Variants in DPP3 observed in about 807,000 individuals in gnomAD.
DPP3 encodes the protein dipeptidyl peptidase 3.
In DPP3, 64 loss-of-function variants were observed where a neutral mutation model predicts 89.8. The ratio of observed to expected loss-of-function variants is 0.71; its 90% CI spans 0.58 to 0.88. The LOEUF (loss-of-function observed/expected upper bound fraction) is 0.88, where lower values mean the gene tolerates loss of function less well. Ranked by LOEUF, DPP3 falls within the 40% of genes least tolerant of loss-of-function variation. The pLI is 0.00. For synonymous variants in DPP3, 377 were observed against 404.3 expected, an observed-to-expected ratio of 0.93 and a Z score of 0.81; for missense variants, 835 against 972.5, an observed-to-expected ratio of 0.86 and a Z score of 1.88.
intron 12 of DPP3, 21 bp downstream of exon 12, chr11:66,493,654 C>T: frequency 1.3e-6 from 2 of 1,592,874 alleles, no homozygotes; most frequent in Non-Finnish European, 1.7e-6. Context: ...AGTGGCCAGC[C>T]CTGGCACCCC....
In DPP3 at chr11:66,480,515, G is replaced by T. The variant is rs116082153; in HGVS notation, c.-9+50G>T. 7,043 of 1,470,104 alleles carry T rather than the reference G, an allele frequency of 4.8e-3. 290 individuals are homozygous for T. In the African/African-American group the frequency reaches 0.09, roughly 19 times the overall value. The allele number at this position is 1,470,104 out of a possible 1,614,324, so 91.1% of individuals were successfully genotyped here. The stretch of plus-strand genomic sequence containing the variant: ...GGGGTCAAAGCGTGTCATCCCGGGG[G>T]ACCAAGGCGAATCCATACTGAGCGC... On this transcript the variant is annotated intron_variant, in intron 1 of 17. Transcript: ENST00000531863.
Position 66,482,307 on chromosome 11 carries a change from A to G in DPP3, c.107A>G (p.His36Arg), listed in dbSNP as rs1272814993. The G allele has an allele frequency of 2.5e-6, 4 of 1,613,802 alleles. No individual in the cohort carries two copies. Among genetic ancestry groups the G allele is most frequent in the Non-Finnish European group, 3.4e-6 (4 of 1,180,004 alleles). The change falls in exon 2 of 18, where the codon CAC (histidine) becomes CGC (arginine). Residue 36 changes from histidine (H) to arginine (R), a missense_variant. By Grantham distance (29) the His-to-Arg change is conservative. Transcript: ENST00000531863. ...CCCACAGAGCGCCTCTATGCCTACC[A>G]CCTGTCCCGTGCCGCCTGGTACGGA... Reference protein sequence around the residue: ...LSPTERLYAYHLSRAAWYGGL... With the variant: ...LSPTERLYAYRLSRAAWYGGL...
chr11:66,490,748 GTTTTGTTTTGTTTT>G (rs1258877398), intron 6 of DPP3, among the ~76,000 whole-genome samples: 4 of 148,386 alleles, frequency 2.7e-5, no homozygotes, highest in African/African-American at 4.9e-5. Context: ...TAGTTTTGGG[GTTTTGTTTTGTTTT>G]TTTTGTTTTG....
At chr11:66,482,135 C>A in intron 1 of DPP3, 58 bp from the exon 2 acceptor site, 2 of 1,590,358 alleles carry the variant, frequency 1.3e-6, no homozygotes, top group Admixed American at 1.7e-5. Context: ...GAGTTCAGAG[C>A]CAGGTATGCA....
intron 12 of DPP3, among the ~76,000 whole-genome samples, chr11:66,494,753 CAAAGG>C (rs1041124928): frequency 1.3e-5 from 2 of 152,136 alleles, no homozygotes; most frequent in Non-Finnish European, 2.9e-5. Flanking sequence ...TGTGAGGATT[CAAAGG>C]ATGCTGCATG....
intron 16 of DPP3, among the ~76,000 whole-genome samples, chr11:66,499,766 C>G (rs1362336733): frequency 1.1e-4 from 17 of 151,492 alleles, no homozygotes; most frequent in South Asian, 1.0e-3. Context: ...CGAAACACTG[C>G]CTCAAAAAGA....
intron 17 of DPP3, among the ~76,000 whole-genome samples, chr11:66,508,293 C>A (rs1226298691): frequency 6.6e-6 from 1 of 152,130 alleles, no homozygotes; most frequent in African/African-American, 2.4e-5. Flanking sequence ...TAAACAGGTT[C>A]GGAGATAATG....
intron 16 of DPP3, among the ~76,000 whole-genome samples, chr11:66,501,174 G>A (rs893568994): frequency 8.0e-5 from 12 of 150,682 alleles, no homozygotes; most frequent in African/African-American, 2.4e-4. Context: ...GCGACAGAGT[G>A]AGACTCTGTC....
chr11:66,499,642 C>T (rs988250386), intron 16 of DPP3, among the ~76,000 whole-genome samples: 134 of 151,714 alleles, frequency 8.8e-4, no homozygotes, highest in African/African-American at 3.1e-3. Flanking sequence ...TGGTGGCAGG[C>T]GCCTGTAATC....
intron 17 of DPP3, among the ~76,000 whole-genome samples, chr11:66,505,952 T>C (rs937867502): frequency 7.9e-5 from 12 of 152,156 alleles, no homozygotes; most frequent in African/African-American, 2.9e-4. Context: ...TTTTTGTTTT[T>C]GTTTTTGTTT....
At chr11:66,489,544 G>A (rs972132972) in intron 6 of DPP3, among the ~76,000 whole-genome samples, 8 of 152,188 alleles carry the variant, frequency 5.3e-5, no homozygotes, top group Non-Finnish European at 8.8e-5. Flanking sequence ...ATGCAGTTTC[G>A]GGCAGTGGTT....
chr11:66,481,928 G>T (rs1361415123), intron 1 of DPP3: 3 of 497,728 alleles, frequency 6.0e-6, no homozygotes, highest in Non-Finnish European at 1.1e-5. Context: ...GATTACAGGT[G>T]TGAGCCACCA....
intron 17 of DPP3, among the ~76,000 whole-genome samples, chr11:66,506,800 C>G (rs2134756289): frequency 6.6e-6 from 1 of 152,218 alleles, no homozygotes; most frequent in South Asian, 2.1e-4. Context: ...TTCTTTTTGT[C>G]CTTCCGCTCC....
At chr11:66,504,893 C>A (rs1365251477) in intron 17 of DPP3, 119 bp downstream of exon 17, 5 of 1,139,294 alleles carry the variant, frequency 4.4e-6, no homozygotes, top group Non-Finnish European at 5.9e-6. Context: ...CTGGGATGGC[C>A]CTTCCCTTTC....
intron 16 of DPP3, among the ~76,000 whole-genome samples, chr11:66,502,259 C>T (rs1855696525): frequency 6.6e-6 from 1 of 151,276 alleles, no homozygotes; most frequent in Non-Finnish European, 1.5e-5. Flanking sequence ...TGCAGTCAAG[C>T]AGAAGCAGCT....
intron 12 of DPP3, among the ~76,000 whole-genome samples, chr11:66,494,029 C>T (rs1053530364): frequency 3.3e-5 from 5 of 152,136 alleles, no homozygotes; most frequent in African/African-American, 1.2e-4. Flanking sequence ...ACACTTGGGG[C>T]AGGGGGCATC....
intron 15 of DPP3, 50 bp downstream of exon 15, chr11:66,495,800 T>G: frequency 6.4e-7 from 1 of 1,560,544 alleles, no homozygotes; most frequent in South Asian, 1.2e-5. Flanking sequence ...CTGCAGTGGG[T>G]GCCAAGATCA....
At chr11:66,491,911 G>A (rs1266693311) in intron 9 of DPP3, among the ~76,000 whole-genome samples, 155 bp downstream of exon 9, 2 of 152,094 alleles carry the variant, frequency 1.3e-5, no homozygotes, top group African/African-American at 2.4e-5. Flanking sequence ...CAATGTATTG[G>A]GCACTGTTGT....
At position 66,488,092 on chromosome 11, in the gene DPP3, C is replaced by T. The variant is rs1482102917; in HGVS notation, c.667+85C>T. The T allele has an allele frequency of 5.9e-6, 7 of 1,187,888 alleles. No individual in the cohort carries two copies. In the East Asian group the frequency reaches 1.7e-4, roughly 29 times the overall value. The allele number at this position is 1,187,888 out of a possible 1,614,324, so 73.6% of individuals were successfully genotyped here. ...CTCAGGTCCTACCAACTCTGCCACT[C>T]CTTCAGAAAGAGCATCCTTCTCTCC... On this transcript the variant is annotated intron_variant, in intron 6 of 17. Coordinates refer to ENST00000531863, the MANE Select transcript of DPP3 (RefSeq NM_130443.4).
Sources: allele counts gnomAD v4.1 joint callset (sites outside exome capture counted in the v4.1 genomes callset), GRCh38; gene constraint gnomAD v4.1.1; transcripts MANE v1.5; gene names NCBI Gene and HGNC (gene_info 2026-07-23, HGNC 2026-07-21).